PPM1L: variants seen among roughly 807,000 people sequenced by gnomAD.
The protein encoded by PPM1L is protein phosphatase 1L.
In PPM1L, 13 loss-of-function variants were observed where a neutral mutation model predicts 31.4. The observed-to-expected ratio is 0.41, with a 90% CI of 0.27 to 0.66. The LOEUF is 0.66. Among genes scored for constraint, PPM1L ranks in the 30% least tolerant of loss-of-function variants. The pLI is 0.29. For missense variants in PPM1L, 326 were observed against 453.7 expected, an observed-to-expected ratio of 0.72 and a Z score of 2.56; for synonymous variants, 184 against 175.4, an observed-to-expected ratio of 1.05 and a Z score of -0.39.
intron 1 of PPM1L, among the ~76,000 whole-genome samples, chr3:160,773,133 C>T (rs1431092029): frequency 6.6e-6 from 1 of 152,116 alleles, no homozygotes; most frequent in African/African-American, 2.4e-5. Context: ...CAACTGTTTT[C>T]CAAAATGGTT....
chr3:160,843,605 A>G (rs912336817), intron 1 of PPM1L, among the ~76,000 whole-genome samples: 6 of 151,168 alleles, frequency 4.0e-5, no homozygotes, highest in Non-Finnish European at 8.9e-5. Flanking sequence ...TCCTAATGCT[A>G]TGCCTCCCCT....
intron 1 of PPM1L, among the ~76,000 whole-genome samples, chr3:160,908,499 A>G (rs999634373): frequency 2.0e-5 from 3 of 152,324 alleles, no homozygotes; most frequent in East Asian, 1.9e-4. Flanking sequence ...AGTTGACACT[A>G]TATGTAGTCT....
At position 161,069,084 on chromosome 3, in the gene PPM1L, A is replaced by G. The variant is rs745757777; in HGVS notation, c.1010A>G (p.Tyr337Cys). ...GAKSIVLQSF[Y>C]RGCPDNITVM... ...AAGAGCATAGTTTTACAGTCATTTT[A>G]CAGAGGCTGCCCTGACAATATAACA... The change falls in exon 4 of 4, where the codon TAC (tyrosine) becomes TGC (cysteine). Residue 337 changes from tyrosine (Y) to cysteine (C), a missense_variant. Physicochemically the swap from Tyr to Cys is radical, Grantham distance 194 (BLOSUM62 -2). This residue lies in a region of PPM1L where 201 missense variants were observed against 298.2 expected (regional missense o/e 0.67). Coordinates refer to ENST00000498165, the MANE Select transcript of PPM1L (RefSeq NM_139245.4). The G allele has an allele frequency of 6.2e-7, 1 of 1,614,216 alleles. No homozygotes were observed. Among genetic ancestry groups the G allele is most frequent in the Admixed American group, 1.7e-5 (1 of 60,024 alleles).
At chr3:161,015,892 T>C (rs1351712299) in intron 2 of PPM1L, among the ~76,000 whole-genome samples, 1 of 152,130 alleles carries the variant, frequency 6.6e-6, no homozygotes, top group Non-Finnish European at 1.5e-5. Context: ...GTGTTTGCTT[T>C]TTTCATTGTA....
chr3:160,801,944 C>T (rs1443285571), intron 1 of PPM1L, among the ~76,000 whole-genome samples: 2 of 152,132 alleles, frequency 1.3e-5, no homozygotes, highest in Admixed American at 1.3e-4. Flanking sequence ...TAATCTGCCG[C>T]AGAGCTATTT....
chr3:160,944,253 A>G (rs1412520063), intron 1 of PPM1L, among the ~76,000 whole-genome samples: 1 of 151,892 alleles, frequency 6.6e-6, no homozygotes, highest in Non-Finnish European at 1.5e-5. Context: ...CAAATTTTAC[A>G]TGTCTCTTTG....
At chr3:160,981,797 C>G (rs1166222402) in intron 2 of PPM1L, among the ~76,000 whole-genome samples, 4 of 150,658 alleles carry the variant, frequency 2.7e-5, no homozygotes. Flanking sequence ...GAGTCTCGCT[C>G]TGTCGCTCAG....
chr3:160,920,586 TTCTCTCTCTCTCTC>T (rs3063236), intron 1 of PPM1L, among the ~76,000 whole-genome samples: 136 of 120,372 alleles, frequency 1.1e-3, no homozygotes, highest in African/African-American at 3.8e-3. Context: ...TGCATTTAGT[TTCTCTCTCTCTCTC>T]TCTCTCTCTC....
In PPM1L at chr3:160,982,822, A is replaced by G. The variant is rs184244189; in HGVS notation, c.574+20912A>G. 2.6e-5 allele frequency among the ~76,000 whole-genome samples: 4 copies of G among 152,348 alleles called. No individual in the cohort carries two copies. The East Asian group carries it at 7.7e-4, about 29-fold the overall frequency. ...CTCTGTTCCTAAAGAAAACAACAGT[A>G]AACATGTAAGCCTCTCATTGTATCT... is the stretch of plus-strand genomic sequence containing the variant. On this transcript the variant is annotated intron_variant, in intron 2 of 3. Coordinates refer to ENST00000498165, the MANE Select transcript of PPM1L (RefSeq NM_139245.4).
chr3:160,922,693 A>G (rs1460638213), intron 1 of PPM1L, among the ~76,000 whole-genome samples: 1 of 152,248 alleles, frequency 6.6e-6, no homozygotes, highest in Non-Finnish European at 1.5e-5. Flanking sequence ...GTCACCTGTC[A>G]TGAAGTAATG....
intron 1 of PPM1L, among the ~76,000 whole-genome samples, chr3:160,770,073 A>T (rs118034583): frequency 6.6e-6 from 1 of 152,146 alleles, no homozygotes; most frequent in African/African-American, 2.4e-5. Context: ...ATTATTGTCA[A>T]TTTATAAAAA....
intron 2 of PPM1L, among the ~76,000 whole-genome samples, chr3:160,969,808 A>G (rs1339833176): frequency 6.6e-6 from 1 of 152,184 alleles, no homozygotes. Flanking sequence ...TCTGACACCA[A>G]CTTCTTATTT....
Position 161,013,677 on chromosome 3 carries a change from C to T in PPM1L, c.575-51726C>T, listed in dbSNP as rs1018765907. 2.6e-5 allele frequency among the ~76,000 whole-genome samples: 4 copies of T among 152,234 alleles called. No homozygotes were observed. In the East Asian group the frequency reaches 5.8e-4, roughly 22 times the overall value. On this transcript the variant is annotated intron_variant, in intron 2 of 3. Transcript: ENST00000498165. ...GGAATCTAAGTCTCTTTGTAGGTCT[C>T]TAAGGACTTGCTTTATGAATCTGGG...
chr3:160,978,350 T>C (rs915514765), intron 2 of PPM1L, among the ~76,000 whole-genome samples: 3 of 152,170 alleles, frequency 2.0e-5, no homozygotes, highest in Admixed American at 2.0e-4. Context: ...ATAAATAGTT[T>C]AGTCCGAGGC....
At chr3:161,032,009 A>G (rs1042290487) in intron 2 of PPM1L, among the ~76,000 whole-genome samples, 1 of 152,204 alleles carries the variant, frequency 6.6e-6, no homozygotes, top group Non-Finnish European at 1.5e-5. Context: ...GGGCTGACCT[A>G]TCACCTTCTT....
chr3:160,810,417 C>T (rs1285255084), intron 1 of PPM1L, among the ~76,000 whole-genome samples: 1 of 152,156 alleles, frequency 6.6e-6, no homozygotes, highest in Non-Finnish European at 1.5e-5. Context: ...AGTTACCATC[C>T]TTTGGAATCT....
At chr3:160,960,354 G>C (rs1164395408) in intron 1 of PPM1L, among the ~76,000 whole-genome samples, 1 of 151,988 alleles carries the variant, frequency 6.6e-6, no homozygotes, top group Non-Finnish European at 1.5e-5. Flanking sequence ...TTATAATTTA[G>C]TTATGTTGGG....
At position 161,078,555 on chromosome 3, in the gene PPM1L, A is replaced by G. The variant is rs1489083765; in HGVS notation, c.*9398A>G. ...TATTTCCTGAAAACCATCCATGATA[A>G]ATACAACAAGGCTTGGCGAAACCTC... is the stretch of plus-strand genomic sequence containing the variant. On this transcript the variant is annotated 3_prime_UTR_variant, in exon 4 of 4. Transcript: ENST00000498165. 3 of 152,210 alleles carry G rather than the reference A, an allele frequency of 2.0e-5. No individual in the cohort carries two copies. Among genetic ancestry groups the G allele is most frequent in the Admixed American group, 1.3e-4 (2 of 15,282 alleles). 9.4% of individuals were successfully genotyped at this position (152,210 alleles called of 1,614,324 possible).
chr3:160,940,648 G>T (rs1243244837), intron 1 of PPM1L, among the ~76,000 whole-genome samples: 1 of 152,222 alleles, frequency 6.6e-6, no homozygotes, highest in East Asian at 1.9e-4. Context: ...AAGAATTGAG[G>T]TTTGGGAACC....
Sources: allele counts gnomAD v4.1 joint callset (sites outside exome capture counted in the v4.1 genomes callset), GRCh38; gene constraint gnomAD v4.1.1; regional missense constraint gnomAD v4.1.1; transcripts MANE v1.5; gene names NCBI Gene and HGNC (gene_info 2026-07-23, HGNC 2026-07-21).